CHL1: variants seen among roughly 807,000 people sequenced by gnomAD.
The protein encoded by CHL1 is cell adhesion molecule L1 like.
A neutral mutation model predicts 141.9 loss-of-function variants in CHL1; 96 were observed. That is an observed-to-expected ratio of 0.68 (90% CI 0.57 to 0.80). CHL1 has a LOEUF of 0.80. Among genes scored for constraint, CHL1 ranks in the 30% least tolerant of loss-of-function variants. The pLI, the probability that CHL1 is intolerant of heterozygous loss-of-function variation, is 0.00. For missense variants in CHL1, 1,820 were observed against 1,457.2 expected (o/e 1.25, Z -4.05); for synonymous variants, 613 against 502.2 (o/e 1.22, Z -2.95).
chr3:229,238 T>G (rs1376063324), intron 1 of CHL1, among the ~76,000 whole-genome samples: 1 of 152,220 alleles, frequency 6.6e-6, no homozygotes, highest in African/African-American at 2.4e-5. Context: ...TAAAAATCCT[T>G]CATAATGTTT....
At chr3:314,341 A>C (rs1394998550) in intron 2 of CHL1, among the ~76,000 whole-genome samples, 702 of 60,676 alleles carry the variant, frequency 0.012, 26 homozygotes, top group African/African-American at 0.048. Flanking sequence ...ATATATATAT[A>C]TATATATATA....
At chr3:220,539 T>A (rs1700742334) in intron 1 of CHL1, among the ~76,000 whole-genome samples, 1 of 151,974 alleles carries the variant, frequency 6.6e-6, no homozygotes, top group Non-Finnish European at 1.5e-5. Context: ...AAAAGGTCCA[T>A]GCATAATTTT....
chr3:394,567 A>G, intron 23 of CHL1, 126 bp from the exon 24 acceptor site: 1 of 681,026 alleles, frequency 1.5e-6, no homozygotes, highest in South Asian at 1.9e-5. Flanking sequence ...GGATTAAATG[A>G]GTTGATGGTT....
chr3:386,467 C>T (rs1707727196), intron 19 of CHL1, among the ~76,000 whole-genome samples: 1 of 152,156 alleles, frequency 6.6e-6, no homozygotes, highest in South Asian at 2.1e-4. Context: ...GTTCGAACAT[C>T]ATAATGTTCT....
chr3:233,455 A>G (rs757658038), intron 1 of CHL1, among the ~76,000 whole-genome samples: 36 of 152,168 alleles, frequency 2.4e-4, no homozygotes, highest in South Asian at 8.3e-4. Flanking sequence ...GCTTTGGAGA[A>G]AATACTGTTT....
intron 5 of CHL1, among the ~76,000 whole-genome samples, chr3:330,196 CTT>C (rs1306962492): frequency 2.0e-5 from 3 of 152,018 alleles, no homozygotes; most frequent in South Asian, 2.1e-4. Context: ...ACTTAAAAAA[CTT>C]ATATCTTTGA....
intron 5 of CHL1, among the ~76,000 whole-genome samples, chr3:333,124 A>ATTTCTTTTTTTTTTTTTTTTTT (rs1701576371): frequency 2.4e-5 from 2 of 83,314 alleles, no homozygotes; most frequent in Non-Finnish European, 4.3e-5. Context: ...TAATTGCTCT[A>ATTTCTTTTTTTTTTTTTTTTTT]TTTTTTTTAT....
In CHL1 at chr3:390,681, C is replaced by T; in HGVS notation, c.2471-20C>T. 3.7e-6 allele frequency: 5 copies of T among 1,355,648 alleles called. No individual in the cohort carries two copies. The highest frequency in any genetic ancestry group is 1.4e-5 in the African/African-American group (1 of 69,702). The allele number at this position is 1,355,648 out of a possible 1,614,324, so 84.0% of individuals were successfully genotyped here. On this transcript the variant is annotated intron_variant, in intron 20 of 27. Coordinates refer to ENST00000256509, the MANE Select transcript of CHL1 (RefSeq NM_006614.4). ...CATTTGCAGGTTATTGAAAACTAAT[C>T]AATCTTCTATGATTAACAGATCCTG...
intron 12 of CHL1, among the ~76,000 whole-genome samples, chr3:360,980 C>A (rs1220322690): frequency 6.6e-6 from 1 of 151,758 alleles, no homozygotes; most frequent in East Asian, 1.9e-4. Flanking sequence ...TTTTCTTAAT[C>A]CAGTCTATCA....
chr3:390,347 A>G (rs764783526), intron 20 of CHL1, among the ~76,000 whole-genome samples: 9 of 152,236 alleles, frequency 5.9e-5, no homozygotes, highest in Non-Finnish European at 8.8e-5. Context: ...CTCAAATGTT[A>G]GCTGTTATTA....
At chr3:245,281 T>C (rs992630901) in intron 2 of CHL1, among the ~76,000 whole-genome samples, 1 of 152,166 alleles carries the variant, frequency 6.6e-6, no homozygotes, top group African/African-American at 2.4e-5. Context: ...AAAGTTCACA[T>C]TGGAAGGAGG....
chr3:234,683 C>A (rs1364587193), intron 1 of CHL1, among the ~76,000 whole-genome samples: 2 of 152,070 alleles, frequency 1.3e-5, no homozygotes, highest in Non-Finnish European at 2.9e-5. Context: ...TCCAAAGCAG[C>A]AGGTGCAATG....
At position 408,440 on chromosome 3, in the gene CHL1, T is replaced by C. The variant is rs1434036692; in HGVS notation, c.*2729T>C. 1.3e-5 allele frequency: 2 copies of C among 152,144 alleles called. No individual in the cohort carries two copies. Among genetic ancestry groups the C allele is most frequent in the Non-Finnish European group, 1.5e-5 (1 of 68,024 alleles). The allele number at this position is 152,144 out of a possible 1,614,324, so 9.4% of individuals were successfully genotyped here. On this transcript the variant is annotated 3_prime_UTR_variant, in exon 28 of 28. Transcript: ENST00000256509. ...AACATTAGGCAGGTTGCTTAACCTT[T>C]TTATTTCAAACTCTCTCAACTCTAA...
intron 2 of CHL1, among the ~76,000 whole-genome samples, chr3:310,279 T>A (rs77457393): frequency 0.075 from 11,462 of 151,856 alleles, 528 homozygotes; most frequent in African/African-American, 0.12. Context: ...ATTTTTTTTT[T>A]AATTAGCTGC....
rs1392098063 is a variant in CHL1, at chr3:339,463, G to A, written c.386-1331G>A. Among the ~76,000 whole-genome samples, 4 of 152,104 alleles carry A rather than the reference G, an allele frequency of 2.6e-5. No individual in the cohort carries two copies. In the South Asian group the frequency reaches 8.3e-4, roughly 32 times the overall value. On this transcript the variant is annotated intron_variant, in intron 5 of 27. Transcript: ENST00000256509. ...TTGCTATTTCAAAAATGTTTCCAGA[G>A]ACTTTCTAAAAGGAATCTTATAGAA...
intron 15 of CHL1, among the ~76,000 whole-genome samples, chr3:376,580 A>C (rs1706354113): frequency 6.6e-6 from 1 of 152,168 alleles, no homozygotes; most frequent in Admixed American, 6.5e-5. Flanking sequence ...CTGGCCTGAA[A>C]CACCCCGTGC....
rs186218301 is a variant in CHL1, at chr3:377,918, G to T, written c.1852G>T (p.Asp618Tyr). Residue 618 changes from aspartate to tyrosine, a missense_variant, in exon 16 of 28, where the codon GAT becomes TAT. Coordinates refer to ENST00000256509, the MANE Select transcript of CHL1 (RefSeq NM_006614.4). The stretch of plus-strand genomic sequence containing the variant: ...TCATACTGCTCTAGACAGTGCTGCC[G>T]ATATAACTCAAGTAACTGTTCTTGG... Reference protein sequence around the residue: ...SAHTALDSAADITQVTVLDVP... With the variant: ...SAHTALDSAAYITQVTVLDVP... 6.2e-7 allele frequency: 1 copy of T among 1,609,370 alleles called. No individual in the cohort carries two copies. The highest frequency in any genetic ancestry group is 8.5e-7 in the Non-Finnish European group (1 of 1,178,318).
chr3:400,100 A>C (rs1709000832), intron 26 of CHL1, among the ~76,000 whole-genome samples: 1 of 152,214 alleles, frequency 6.6e-6, no homozygotes, highest in African/African-American at 2.4e-5. Flanking sequence ...AGTATTCATG[A>C]TGCTTTTATA....
chr3:229,655 G>C (rs896078131), intron 1 of CHL1, among the ~76,000 whole-genome samples: 1 of 152,058 alleles, frequency 6.6e-6, no homozygotes, highest in African/African-American at 2.4e-5. Context: ...TCAATACTCA[G>C]CTACTACATT....
Sources: allele counts gnomAD v4.1 joint callset (sites outside exome capture counted in the v4.1 genomes callset), GRCh38; gene constraint gnomAD v4.1.1; transcripts MANE v1.5; gene names NCBI Gene and HGNC (gene_info 2026-07-23, HGNC 2026-07-21).